Variants in MIB1 observed in about 807,000 individuals in gnomAD.
MIB1 encodes the protein MIB E3 ubiquitin protein ligase 1, also known as E3 ubiquitin-protein ligase MIB1.
In MIB1, 278 loss-of-function variants were observed where a neutral mutation model predicts 124.5. That is an observed-to-expected ratio of 2.23 (90% confidence interval 2.02 to 2.47). The LOEUF (loss-of-function observed/expected upper bound fraction) is 2.47. MIB1 is among the 30% of genes most tolerant of loss of function. The pLI, the probability that MIB1 is intolerant of heterozygous loss-of-function variation, is 0.00. For missense variants in MIB1, 957 were observed against 1,254.4 expected, an observed-to-expected ratio of 0.76 and a Z score of 3.58; for synonymous variants, 446 against 429.4, an observed-to-expected ratio of 1.04 and a Z score of -0.48.
chr18:21,857,153 T>C lies in MIB1; in HGVS notation c.2689T>C (p.Cys897Arg), dbSNP rs1219251363. The C allele has an allele frequency of 1.2e-6, 2 of 1,614,064 alleles. No individual in the cohort carries two copies. The highest frequency in any genetic ancestry group is 1.7e-6 in the Non-Finnish European group (2 of 1,179,928). Reference sequence around the variant, plus strand: ...AGACTGTGCTAACCTGATGAAAAAGTGTGTGCAGTGTCGAGCAGTAGTTGA... The same window carrying C: ...AGACTGTGCTAACCTGATGAAAAAGCGTGTGCAGTGTCGAGCAGTAGTTGA... ...CENCANLMKKCVQCRAVVERR... is the reference protein window; with the variant it reads ...CENCANLMKKRVQCRAVVERR... Residue 897 changes from cysteine to arginine, a missense_variant, in exon 19 of 21, where the codon TGT becomes CGT. By Grantham distance (180) the Cys-to-Arg change is radical. Coordinates refer to ENST00000261537, the MANE Select transcript of MIB1 (RefSeq NM_020774.4).
intron 10 of MIB1, 63 bp from the exon 11 acceptor site, chr18:21,815,553 T>A (rs2041821941): frequency 7.1e-7 from 1 of 1,401,116 alleles, no homozygotes; most frequent in Non-Finnish European, 9.9e-7. Flanking sequence ...TATATTATTA[T>A]AGCTTCAAGG....
intron 12 of MIB1, among the ~76,000 whole-genome samples, chr18:21,836,379 T>C (rs2042032915): frequency 6.6e-6 from 1 of 151,342 alleles, no homozygotes; most frequent in Admixed American, 6.6e-5. Context: ...GTTCACGCCA[T>C]TCTCCTAAAA....
chr18:21,858,678 G>A, intron 20 of MIB1, 32 bp downstream of exon 20: 1 of 1,075,568 alleles, frequency 9.3e-7, no homozygotes, highest in Non-Finnish European at 1.4e-6. Flanking sequence ...CAGTGATGCT[G>A]TGAATGGCAC....
intron 1 of MIB1, among the ~76,000 whole-genome samples, chr18:21,733,023 T>G (rs2040779303): frequency 6.6e-6 from 1 of 152,222 alleles, no homozygotes; most frequent in Non-Finnish European, 1.5e-5. Flanking sequence ...GGTCCACTTT[T>G]GCTTTGACTG....
intron 12 of MIB1, among the ~76,000 whole-genome samples, chr18:21,823,985 A>G (rs1423690043): frequency 6.6e-6 from 1 of 152,182 alleles, no homozygotes. Flanking sequence ...CTTTCTGTAA[A>G]GATGCTGCAT....
intron 10 of MIB1, among the ~76,000 whole-genome samples, chr18:21,809,009 A>C (rs891573588): frequency 6.6e-6 from 1 of 152,144 alleles, no homozygotes; most frequent in African/African-American, 2.4e-5. Flanking sequence ...TTTGTCAGAT[A>C]ACCCAAATTT....
chr18:21,737,859 G>A (rs867355967), upstream of MIB1, among the ~76,000 whole-genome samples: 7 of 152,240 alleles, frequency 4.6e-5, no homozygotes, highest in South Asian at 1.5e-3. Flanking sequence ...CCCAATACGG[G>A]AGCACCCAGA....
At chr18:21,780,035 G>T (rs779382214) in intron 6 of MIB1, among the ~76,000 whole-genome samples, 6 of 152,146 alleles carry the variant, frequency 3.9e-5, no homozygotes, top group African/African-American at 1.4e-4. Flanking sequence ...GACTATATCA[G>T]TCTACCCTGA....
At chr18:21,847,306 C>CTTAT (rs1335612065) in intron 16 of MIB1, among the ~76,000 whole-genome samples, 181 bp downstream of exon 16, 1 of 152,036 alleles carries the variant, frequency 6.6e-6, no homozygotes, top group Non-Finnish European at 1.5e-5. Flanking sequence ...CAGCATGTCT[C>CTTAT]TTATTTTATG....
At chr18:21,771,174 T>G (rs940439966) in intron 3 of MIB1, among the ~76,000 whole-genome samples, 5 of 152,228 alleles carry the variant, frequency 3.3e-5, no homozygotes, top group Non-Finnish European at 7.3e-5. Context: ...AGCTGTTCCT[T>G]ACATGTGAAA....
chr18:21,868,213 G>A lies in MIB1; in HGVS notation c.*3547G>A, dbSNP rs12961054. The A allele has an allele frequency of 0.99, 150,215 of 152,094 alleles. 74,213 individuals are homozygous for A. The highest frequency in any genetic ancestry group is 1 in the East Asian group (5,174 of 5,174). 9.4% of individuals were successfully genotyped at this position (152,094 alleles called of 1,614,324 possible). On this transcript the variant is annotated 3_prime_UTR_variant, in exon 21 of 21. Transcript: ENST00000261537. ...TGAAGTACATTTACACTGTTGTGAA[G>A]CAGATCTCCAGAACTTTTTCATCTT...
intron 20 of MIB1, among the ~76,000 whole-genome samples, chr18:21,862,704 T>C (rs181247300): frequency 6.6e-6 from 1 of 152,288 alleles, no homozygotes; most frequent in Admixed American, 6.5e-5. Context: ...TAGGGCTTGC[T>C]TTGAGGAAGG....
At chr18:21,727,134 G>C (rs1033950545) in intron 1 of MIB1, among the ~76,000 whole-genome samples, 1 of 152,104 alleles carries the variant, frequency 6.6e-6, no homozygotes, top group Non-Finnish European at 1.5e-5. Context: ...TTTTGAGACA[G>C]AGTGTTGCTC....
chr18:21,710,188 T>A (rs2040659518), intron 1 of MIB1, among the ~76,000 whole-genome samples: 2 of 152,096 alleles, frequency 1.3e-5, no homozygotes. Flanking sequence ...TGGTGTGGTC[T>A]TTGCACACTG....
At chr18:21,795,934 A>G (rs2041573698) in intron 7 of MIB1, among the ~76,000 whole-genome samples, 1 of 152,222 alleles carries the variant, frequency 6.6e-6, no homozygotes, top group South Asian at 2.1e-4. Flanking sequence ...GAGAATCAGA[A>G]TTATCAGAGT....
rs897728897 is a variant in MIB1, at chr18:21,870,613, G to A, written c.*5947G>A. Reference sequence around the variant, plus strand: ...TATTTTAAAGCAATGATCTATTTGGGTTTTAGTTTTATGAGTAAATCATTA... The same window carrying A: ...TATTTTAAAGCAATGATCTATTTGGATTTTAGTTTTATGAGTAAATCATTA... On this transcript the variant is annotated 3_prime_UTR_variant, in exon 21 of 21. Transcript: ENST00000261537. 2 of 152,026 alleles carry A rather than the reference G, an allele frequency of 1.3e-5. No individual in the cohort carries two copies. The highest frequency in any genetic ancestry group is 4.8e-5 in the African/African-American group (2 of 41,392). 9.4% of individuals were successfully genotyped at this position (152,026 alleles called of 1,614,324 possible).
At chr18:21,725,343 T>C (rs1307546040) in intron 1 of MIB1, among the ~76,000 whole-genome samples, 3 of 152,110 alleles carry the variant, frequency 2.0e-5, no homozygotes, top group African/African-American at 7.2e-5. Context: ...GAGGAATGTA[T>C]ATGTGAGACC....
chr18:21,864,537 T>C lies in MIB1; in HGVS notation c.2892T>C (p.Pro964=), dbSNP rs1481799904. The C allele has an allele frequency of 4.3e-6, 7 of 1,612,388 alleles. No homozygotes were observed. Among genetic ancestry groups the C allele is most frequent in the Non-Finnish European group, 5.9e-6 (7 of 1,178,576 alleles). ...ATCTCACATTACAGACAATGTGCCC[T>C]GTGTGTCTAGATCGTCTGAAGAATA... ...LQDIKEQTMC[P]VCLDRLKNMI... The change falls in exon 21 of 21, where the codon CCT becomes CCC. Residue 964 remains proline, a synonymous_variant. Coordinates refer to ENST00000261537, the MANE Select transcript of MIB1 (RefSeq NM_020774.4).
rs771554702 is a variant in MIB1, at chr18:21,847,056, C to T, written c.2324C>T (p.Ser775Leu). Reference protein sequence around the residue: ...DLSIRNKKGQSPLDLCPDPNL... With the variant: ...DLSIRNKKGQLPLDLCPDPNL... ...AGCATTCGAAATAAGAAGGGTCAAT[C>T]GCCACTTGATCTCTGTCCTGATCCG... Residue 775 changes from serine to leucine, a missense_variant, in exon 16 of 21, where the codon TCG becomes TTG. Physicochemically the swap from Ser to Leu is moderately radical, Grantham distance 145 (BLOSUM62 -2). Transcript: ENST00000261537. The T allele has an allele frequency of 7.4e-6, 12 of 1,614,102 alleles. No homozygotes were observed. Among genetic ancestry groups the T allele is most frequent in the South Asian group, 1.1e-5 (1 of 91,080 alleles).
Sources: gnomAD v4.1 joint callset for allele counts (sites outside exome capture counted in the v4.1 genomes callset) on GRCh38, gnomAD v4.1.1 for gene constraint, MANE v1.5 for transcripts, NCBI Gene and HGNC (gene_info 2026-07-23, HGNC 2026-07-21) for gene names.